LMO7: variants seen among roughly 807,000 people sequenced by gnomAD.
LMO7 encodes the protein LIM domain only protein 7.
Under a neutral mutation model 206.5 loss-of-function variants are expected in LMO7, and 120 were observed. The ratio of observed to expected loss-of-function variants is 0.58; its 90% CI spans 0.50 to 0.68. LMO7 has a LOEUF of 0.68. Ranked by LOEUF, LMO7 falls within the 30% of genes least tolerant of loss-of-function variation. The probability of loss-of-function intolerance (pLI) is 0.00; values close to 1 mark genes in which losing one functional copy is unlikely to be tolerated. For missense variants in LMO7, 1,959 were observed against 1,957.9 expected (o/e 1.00, Z -0.01); for synonymous variants, 706 against 681.5 (o/e 1.04, Z -0.56).
In LMO7 at chr13:75,856,541, C is replaced by T. The variant is rs1430453943; in HGVS notation, c.4806C>T (p.Ser1602=). The change falls in exon 30 of 31, where the codon TCC becomes TCT. Residue 1602 remains serine, a synonymous_variant. Coordinates refer to ENST00000377534, the MANE Select transcript of LMO7 (RefSeq NM_001306080.2). The stretch of plus-strand genomic sequence containing the variant: ...GTGAGTGTGACCTCGGAGGCTCTTC[C>T]TCAGGAGCTGAAGTCAGGATCAGAA... ...VACECDLGGS[S]SGAEVRIRNH... 6 of 1,612,426 alleles carry T rather than the reference C, an allele frequency of 3.7e-6. No individual in the cohort carries two copies. In the South Asian group the frequency reaches 5.5e-5, roughly 15 times the overall value.
At chr13:75,816,708 G>A (rs989558448) in intron 11 of LMO7, 1 of 153,258 alleles carries the variant, frequency 6.5e-6, no homozygotes, top group Admixed American at 6.5e-5. Flanking sequence ...TTGAACTTGA[G>A]AAAAATATCA....
chr13:75,645,971 C>T (rs1427621102), intron 1 of LMO7, among the ~76,000 whole-genome samples: 1 of 152,182 alleles, frequency 6.6e-6, no homozygotes, highest in African/African-American at 2.4e-5. Flanking sequence ...CTGACCCTGA[C>T]CTTGTCCCTA....
At chr13:75,712,533 T>A (rs1331776365) in intron 1 of LMO7, among the ~76,000 whole-genome samples, 2 of 152,232 alleles carry the variant, frequency 1.3e-5, no homozygotes, top group African/African-American at 4.8e-5. Context: ...GGTAACTGCA[T>A]GTGCCTGTTC....
intron 1 of LMO7, 90 bp downstream of exon 1, chr13:75,636,816 C>T: frequency 7.7e-7 from 1 of 1,298,954 alleles, no homozygotes; most frequent in East Asian, 2.5e-5. Flanking sequence ...TCACTCTGCA[C>T]TTTAGCCTCC....
chr13:75,702,655 G>A (rs772641053), intron 1 of LMO7, among the ~76,000 whole-genome samples: 3 of 152,166 alleles, frequency 2.0e-5, no homozygotes, highest in Non-Finnish European at 4.4e-5. Context: ...AATTCAGTGG[G>A]TTAACCACAT....
At chr13:75,841,316 T>TG in intron 23 of LMO7, 115 bp downstream of exon 23, 5 of 686,712 alleles carry the variant, frequency 7.3e-6, no homozygotes, top group Non-Finnish European at 9.9e-6. Context: ...TTCACCTGTG[T>TG]AGCTCTTTGA....
chr13:75,808,247 T>C, intron 10 of LMO7, 48 bp downstream of exon 10: 1 of 1,525,722 alleles, frequency 6.6e-7, no homozygotes, highest in South Asian at 1.3e-5. Context: ...GATGGTCTTG[T>C]GTAACTTTTC....
chr13:75,699,460 T>C (rs905310165), intron 1 of LMO7, among the ~76,000 whole-genome samples: 6 of 151,740 alleles, frequency 4.0e-5, no homozygotes, highest in African/African-American at 1.2e-4. Context: ...AATATTTCAA[T>C]GTAGGTTATT....
chr13:75,659,692 T>C (rs572490816), intron 1 of LMO7, among the ~76,000 whole-genome samples: 15 of 152,238 alleles, frequency 9.9e-5, no homozygotes, highest in African/African-American at 2.9e-4. Flanking sequence ...ACAATTCAAG[T>C]TGAGATTTGA....
Position 75,805,545 on chromosome 13 carries a change from C to G in LMO7, c.981C>G (p.Ser327=). ...NWPTVQGTSK[S]SCYLEEEKAK... The stretch of plus-strand genomic sequence containing the variant: ...CAACTGTACAAGGAACTTCAAAGTC[C>G]TCTTGTTATTTGGAAGAGGAAAAAG... Residue 327 remains serine (S), a synonymous_variant, in exon 9 of 31, where the codon TCC becomes TCG. Coordinates refer to ENST00000377534, the MANE Select transcript of LMO7 (RefSeq NM_001306080.2). 1.2e-6 allele frequency: 2 copies of G among 1,613,986 alleles called. No individual in the cohort carries two copies. Among genetic ancestry groups the G allele is most frequent in the Non-Finnish European group, 1.7e-6 (2 of 1,179,866 alleles).
intron 2 of LMO7, among the ~76,000 whole-genome samples, chr13:75,624,291 T>A (rs1400840468): frequency 6.6e-6 from 1 of 152,216 alleles, no homozygotes; most frequent in East Asian, 1.9e-4. Flanking sequence ...ATATTTTGAA[T>A]ATGACTATTT....
intron 2 of LMO7, among the ~76,000 whole-genome samples, chr13:75,724,212 T>C (rs1229378033): frequency 6.6e-6 from 1 of 152,264 alleles, no homozygotes; most frequent in East Asian, 1.9e-4. Context: ...CTGTGAATGC[T>C]CTGACTTGGG....
In LMO7 at chr13:75,823,667, G is replaced by A; in HGVS notation, c.2743G>A (p.Ala915Thr). 6.2e-7 allele frequency: 1 copy of A among 1,614,176 alleles called. No individual in the cohort carries two copies. The highest frequency in any genetic ancestry group is 8.5e-7 in the Non-Finnish European group (1 of 1,180,024). Residue 915 changes from alanine (A) to threonine (T), a missense_variant, in exon 15 of 31, where the codon GCT becomes ACT. Coordinates refer to ENST00000377534, the MANE Select transcript of LMO7 (RefSeq NM_001306080.2). ...PAPSPDASQL[A>T]SSLSSQKEVA... ...ACCAAGCCCGGACGCAAGCCAACTGGCTTCAAGCTTATCTAGCCAGAAAGA... is the reference window on the plus strand; with the variant it reads ...ACCAAGCCCGGACGCAAGCCAACTGACTTCAAGCTTATCTAGCCAGAAAGA...
chr13:75,672,846 A>G (rs977464936), intron 1 of LMO7, among the ~76,000 whole-genome samples: 1 of 152,156 alleles, frequency 6.6e-6, no homozygotes, highest in African/African-American at 2.4e-5. Context: ...TCTGTTAACT[A>G]TGTTCTCTTC....
At chr13:75,720,426 T>C (rs1032371645) in intron 2 of LMO7, among the ~76,000 whole-genome samples, 1 of 152,242 alleles carries the variant, frequency 6.6e-6, no homozygotes, top group Non-Finnish European at 1.5e-5. Flanking sequence ...GTCTCTAGAC[T>C]TCCCCCTGTG....
intron 4 of LMO7, among the ~76,000 whole-genome samples, chr13:75,781,096 C>CTTTTTTTTTTTTTTTTTTT (rs367937964): frequency 2.1e-4 from 9 of 41,926 alleles, no homozygotes; most frequent in Admixed American, 3.4e-4. Flanking sequence ...CTCTATTTTC[C>CTTTTTTTTTTTTTTTTTTT]TTTTTTTTTT....
chr13:75,636,668 TG>T lies in LMO7; in HGVS notation c.13del (p.Glu5ArgfsTer21). The T allele has an allele frequency of 1.2e-6, 2 of 1,607,250 alleles. No individual in the cohort carries two copies. The highest frequency in any genetic ancestry group is 1.7e-6 in the Non-Finnish European group (2 of 1,177,702). ...TCCCTTGTCCTAGCCATGGAAGGGC[TG>T]GAGGAGGCAGAGGCCAACTGCTCCG... MEGLEEAEANCSVA... is the reference protein window; with the variant it reads MEGXEEAEANCSVA... On this transcript the variant is annotated frameshift_variant, in exon 1 of 31. Coordinates refer to ENST00000377534, the MANE Select transcript of LMO7 (RefSeq NM_001306080.2). LOFTEE classifies it high-confidence loss of function.
At chr13:75,659,233 A>C (rs2047480728) in intron 1 of LMO7, among the ~76,000 whole-genome samples, 1 of 152,182 alleles carries the variant, frequency 6.6e-6, no homozygotes, top group East Asian at 1.9e-4. Context: ...CCATGTTTTG[A>C]GAATATTCAT....
intron 14 of LMO7, among the ~76,000 whole-genome samples, chr13:75,822,130 G>C (rs1035102937): frequency 2.0e-5 from 3 of 152,128 alleles, no homozygotes; most frequent in African/African-American, 7.2e-5. Flanking sequence ...GAAGGGGTTA[G>C]AATATTGCAG....
Sources: gnomAD v4.1 joint callset for allele counts (sites outside exome capture counted in the v4.1 genomes callset) on GRCh38, gnomAD v4.1.1 for gene constraint, MANE v1.5 for transcripts, NCBI Gene and HGNC (gene_info 2026-07-23, HGNC 2026-07-21) for gene names.